TBC1D15: variants seen among roughly 807,000 people sequenced by gnomAD.
TBC1D15 encodes GAP for RAB7.
In TBC1D15, 39 loss-of-function variants were observed where a neutral mutation model predicts 95.4. The ratio of observed to expected loss-of-function variants is 0.41; its 90% CI spans 0.32 to 0.53. The LOEUF (loss-of-function observed/expected upper bound fraction) is 0.53, where lower values mean the gene tolerates loss of function less well. Among genes scored for constraint, TBC1D15 ranks in the 20% least tolerant of loss-of-function variants. The pLI is 0.29. For synonymous variants in TBC1D15, 258 were observed against 261.3 expected (o/e 0.99, Z 0.12); for missense variants, 733 against 794.3 (o/e 0.92, Z 0.93).
At chr12:71,850,490 A>G (rs889032661) in intron 1 of TBC1D15, 1 of 170,576 alleles carries the variant, frequency 5.9e-6, no homozygotes, top group African/African-American at 2.4e-5. Flanking sequence ...ATAGCTCACT[A>G]CAACCTTGAA....
At chr12:71,852,112 C>T (rs529330356) in intron 1 of TBC1D15, among the ~76,000 whole-genome samples, 1 of 152,350 alleles carries the variant, frequency 6.6e-6, no homozygotes, top group South Asian at 2.1e-4. Flanking sequence ...CTGTTGCATT[C>T]TGTGCACCTG....
At chr12:71,867,326 G>A (rs988642791) in intron 1 of TBC1D15, among the ~76,000 whole-genome samples, 6 of 152,202 alleles carry the variant, frequency 3.9e-5, no homozygotes, top group African/African-American at 1.4e-4. Flanking sequence ...AATGTGTCAG[G>A]AAATCTGTGA....
rs1006598111 is a variant in TBC1D15, at chr12:71,923,363, CTAAT to C, written c.*162_*165del. On this transcript the variant is annotated 3_prime_UTR_variant, in exon 17 of 17. Coordinates refer to ENST00000485960, the MANE Select transcript of TBC1D15 (RefSeq NM_001146213.3). ...CATTAAAGCTTTACAAAGATTTAAA[CTAAT>C]TATTTTTGTAGTTACTTCTACCAAA... 1 of 626,824 alleles carries C rather than the reference CTAAT, an allele frequency of 1.6e-6. No homozygotes were observed. Among genetic ancestry groups the C allele is most frequent in the Non-Finnish European group, 2.6e-6 (1 of 379,194 alleles). 38.8% of individuals were successfully genotyped at this position (626,824 alleles called of 1,614,324 possible). A position where few individuals can be genotyped will look rare whatever the true frequency, so the allele number is the denominator to read the frequency against.
intron 11 of TBC1D15, among the ~76,000 whole-genome samples, chr12:71,908,457 T>G (rs1403603572): frequency 1.3e-5 from 2 of 152,214 alleles, no homozygotes; most frequent in African/African-American, 4.8e-5. Context: ...GGTGGTTGGA[T>G]ACTTAGCACA....
At chr12:71,858,889 T>G (rs1397782404) in intron 1 of TBC1D15, among the ~76,000 whole-genome samples, 1 of 152,102 alleles carries the variant, frequency 6.6e-6, no homozygotes, top group East Asian at 1.9e-4. Flanking sequence ...ACTTTCATAC[T>G]GTTTTCAGTA....
intron 3 of TBC1D15, among the ~76,000 whole-genome samples, chr12:71,875,230 C>G (rs1893543814): frequency 6.6e-6 from 1 of 152,104 alleles, no homozygotes; most frequent in South Asian, 2.1e-4. Flanking sequence ...AGTTACTTGT[C>G]TTTTTATTGT....
At position 71,893,608 on chromosome 12, in the gene TBC1D15, A is replaced by G. The variant is rs1418664266; in HGVS notation, c.657+284A>G. On this transcript the variant is annotated intron_variant, in intron 6 of 16. Transcript: ENST00000485960. ...TAAAATTAGACATCAGTAGATTTGT[A>G]TCATAACTTTTATTGATTAGGCCAG... Among the ~76,000 whole-genome samples the G allele has an allele frequency of 3.3e-5, 5 of 152,044 alleles. No homozygotes were observed. In the East Asian group the frequency reaches 9.6e-4, roughly 29 times the overall value.
chr12:71,862,287 C>T (rs1890552966), intron 1 of TBC1D15, among the ~76,000 whole-genome samples: 1 of 152,002 alleles, frequency 6.6e-6, no homozygotes. Flanking sequence ...GTTGAAGTCC[C>T]CAACTGTTAC....
intron 12 of TBC1D15, among the ~76,000 whole-genome samples, chr12:71,916,713 A>C (rs572128370): frequency 2.4e-4 from 36 of 152,272 alleles, no homozygotes; most frequent in African/African-American, 8.4e-4. Flanking sequence ...AAGGGATCCA[A>C]ATCATTTAAG....
At chr12:71,909,215 G>A (rs1009417142) in intron 11 of TBC1D15, among the ~76,000 whole-genome samples, 9 of 152,144 alleles carry the variant, frequency 5.9e-5, no homozygotes, top group Non-Finnish European at 7.4e-5. Context: ...TGGATAACTG[G>A]CCTTATAGAA....
At chr12:71,880,676 A>G (rs1894955706) in intron 4 of TBC1D15, 69 bp downstream of exon 4, 2 of 1,468,234 alleles carry the variant, frequency 1.4e-6, no homozygotes, top group East Asian at 4.8e-5. Flanking sequence ...AAATGCAAAG[A>G]AGATTCGTGA....
chr12:71,899,332 A>G (rs2138769084), intron 10 of TBC1D15, among the ~76,000 whole-genome samples: 1 of 152,316 alleles, frequency 6.6e-6, no homozygotes, highest in Admixed American at 6.5e-5. Flanking sequence ...ATAAAGTTGA[A>G]GCCCAGAAAG....
chr12:71,923,264 A>T lies in TBC1D15; in HGVS notation c.*60A>T, dbSNP rs1870140631. 1.3e-6 allele frequency: 2 copies of T among 1,540,788 alleles called. No homozygotes were observed. Among genetic ancestry groups the T allele is most frequent in the Non-Finnish European group, 1.8e-6 (2 of 1,121,254 alleles). On this transcript the variant is annotated 3_prime_UTR_variant, in exon 17 of 17. Transcript: ENST00000485960. Reference sequence around the variant, plus strand: ...GTTGCAACCCTTTTTCAAGTACTTGAAAGTTGAAAATTTGAAATCTTGGTA... The same window carrying T: ...GTTGCAACCCTTTTTCAAGTACTTGTAAGTTGAAAATTTGAAATCTTGGTA...
rs1448376997 is a variant in TBC1D15 at position 71,910,867 on chromosome 12, C to T, written c.1301-2959C>T. On this transcript the variant is annotated intron_variant, in intron 11 of 16. Transcript: ENST00000485960. Reference sequence around the variant, plus strand: ...CAAAATGGGAGAAGGTTTTCACAACCTACTCATCTGACAAAGGGCTGATAT... The same window carrying T: ...CAAAATGGGAGAAGGTTTTCACAACTTACTCATCTGACAAAGGGCTGATAT... Among the ~76,000 whole-genome samples, 4 of 152,252 alleles carry T rather than the reference C, an allele frequency of 2.6e-5. No individual in the cohort carries two copies. In the East Asian group the frequency reaches 7.7e-4, roughly 29 times the overall value.
chr12:71,898,083 T>A, intron 10 of TBC1D15, 142 bp downstream of exon 10: 2 of 564,550 alleles, frequency 3.5e-6, no homozygotes, highest in South Asian at 5.5e-5. Flanking sequence ...CAGTGTGTGT[T>A]TAATGTTCTT....
chr12:71,854,463 T>C, intron 1 of TBC1D15: 1 of 430,282 alleles, frequency 2.3e-6, no homozygotes, highest in South Asian at 1.7e-5. Flanking sequence ...GTTCTCTTTG[T>C]TGTTATGAAC....
At chr12:71,862,237 T>C (rs1257839616) in intron 1 of TBC1D15, among the ~76,000 whole-genome samples, 2 of 152,126 alleles carry the variant, frequency 1.3e-5, no homozygotes, top group African/African-American at 4.8e-5. Context: ...TTCTTGTTGA[T>C]TTTCTGCCTA....
In TBC1D15 at chr12:71,921,420, C is replaced by A; in HGVS notation, c.1769C>A (p.Ala590Glu). 6.4e-7 allele frequency: 1 copy of A among 1,568,494 alleles called. No homozygotes were observed. The highest frequency in any genetic ancestry group is 8.7e-7 in the Non-Finnish European group (1 of 1,151,654). The change falls in exon 16 of 17, where the codon GCA (alanine) becomes GAA (glutamate). Residue 590 changes from alanine to glutamate, a missense_variant. Transcript: ENST00000485960. ...KIDVEDILCK[A>E]EAISLQMVKC... ...GATGTGGAAGATATACTCTGCAAGG[C>A]AGAAGCAATTTCTCTACAGATGGTA...
Position 71,896,658 on chromosome 12 carries a change from A to G in TBC1D15, c.985-19A>G. ...ACATTCTTTTTCATTCATGTATTTAATATGTATGCTTTCTTCAGGGACTTA... is the reference window on the plus strand; with the variant it reads ...ACATTCTTTTTCATTCATGTATTTAGTATGTATGCTTTCTTCAGGGACTTA... On this transcript the variant is annotated intron_variant, in intron 8 of 16. Coordinates refer to ENST00000485960, the MANE Select transcript of TBC1D15 (RefSeq NM_001146213.3). 1 of 1,589,720 alleles carries G rather than the reference A, an allele frequency of 6.3e-7. No individual in the cohort carries two copies. The highest frequency in any genetic ancestry group is 8.6e-7 in the Non-Finnish European group (1 of 1,165,638).
Sources: gnomAD v4.1 joint callset for allele counts (sites outside exome capture counted in the v4.1 genomes callset) on GRCh38, gnomAD v4.1.1 for gene constraint, MANE v1.5 for transcripts, NCBI Gene and HGNC (gene_info 2026-07-23, HGNC 2026-07-21) for gene names.